The following CDH13 variants were observed in gnomAD, a reference collection of about 807,000 sequenced individuals.
The protein encoded by CDH13 is cadherin-13.
Under a neutral mutation model 63.8 loss-of-function variants are expected in CDH13, and 24 were observed. The ratio of observed to expected loss-of-function variants is 0.38; its 90% CI spans 0.27 to 0.53. The LOEUF (loss-of-function observed/expected upper bound fraction) is 0.53. Among genes scored for constraint, CDH13 ranks in the 20% least tolerant of loss-of-function variants. CDH13 has a pLI of 0.85. For synonymous variants in CDH13, 503 were observed against 355.3 expected, an observed-to-expected ratio of 1.42 and a Z score of -4.67; for missense variants, 1,049 against 903.1, an observed-to-expected ratio of 1.16 and a Z score of -2.07.
At chr16:83,791,404 G>C (rs1916255941) in intron 13 of CDH13, among the ~76,000 whole-genome samples, 1 of 152,084 alleles carries the variant, frequency 6.6e-6, no homozygotes, top group Non-Finnish European at 1.5e-5. Flanking sequence ...GCTGAGGCAG[G>C]AGAATCGAGT....
At chr16:83,492,328 A>T (rs1314656178) in intron 7 of CDH13, among the ~76,000 whole-genome samples, 1 of 152,214 alleles carries the variant, frequency 6.6e-6, no homozygotes, top group Admixed American at 6.5e-5. Flanking sequence ...TCTCATTATC[A>T]TCATGTTTAA....
intron 1 of CDH13, among the ~76,000 whole-genome samples, chr16:82,654,100 G>A (rs1006468850): frequency 2.6e-5 from 4 of 152,128 alleles, no homozygotes; most frequent in Admixed American, 2.6e-4. Flanking sequence ...ATTAGTCATT[G>A]CAAAAACATC....
intron 1 of CDH13, among the ~76,000 whole-genome samples, chr16:82,668,959 AG>A (rs549938319): frequency 3.8e-4 from 58 of 152,260 alleles, no homozygotes; most frequent in African/African-American, 1.4e-3. Flanking sequence ...CTGTTATTCT[AG>A]GGGGCTGCCC....
intron 10 of CDH13, among the ~76,000 whole-genome samples, chr16:83,714,475 G>A (rs912261896): frequency 7.9e-5 from 12 of 152,134 alleles, no homozygotes; most frequent in Non-Finnish European, 1.2e-4. Context: ...TGGTAAGCCT[G>A]GGGGAAACTG....
At chr16:83,168,197 A>G (rs2037767137) in intron 4 of CDH13, among the ~76,000 whole-genome samples, 2 of 152,074 alleles carry the variant, frequency 1.3e-5, no homozygotes, top group Admixed American at 1.3e-4. Flanking sequence ...CTAAAACGAA[A>G]GTTGAAATTA....
At chr16:83,133,722 C>T (rs2036155967) in intron 4 of CDH13, among the ~76,000 whole-genome samples, 1 of 152,214 alleles carries the variant, frequency 6.6e-6, no homozygotes, top group South Asian at 2.1e-4. Context: ...TGGTCTCAAA[C>T]TCCTGGCCTC....
At chr16:83,176,370 C>G (rs1050563217) in intron 4 of CDH13, among the ~76,000 whole-genome samples, 11 of 151,544 alleles carry the variant, frequency 7.3e-5, no homozygotes, top group African/African-American at 2.7e-4. Context: ...ATTAGCCTGG[C>G]GTGGTGGCAG....
At chr16:83,588,408 G>T (rs1906387086) in intron 7 of CDH13, among the ~76,000 whole-genome samples, 1 of 152,192 alleles carries the variant, frequency 6.6e-6, no homozygotes, top group South Asian at 2.1e-4. Context: ...TTTACTGAGA[G>T]TGACTGAGAG....
chr16:82,878,789 G>C (rs999741989), intron 2 of CDH13, among the ~76,000 whole-genome samples: 5 of 151,988 alleles, frequency 3.3e-5, no homozygotes, highest in African/African-American at 1.2e-4. Context: ...AGCACCAAGA[G>C]TCTGTCATCA....
intron 1 of CDH13, among the ~76,000 whole-genome samples, chr16:82,759,871 C>A (rs140038209): frequency 6.6e-6 from 1 of 152,060 alleles, no homozygotes; most frequent in Admixed American, 6.5e-5. Flanking sequence ...GCAGATTCAC[C>A]CTTTCCTTAT....
At chr16:83,444,589 T>G (rs2072610683) in intron 6 of CDH13, among the ~76,000 whole-genome samples, 1 of 152,174 alleles carries the variant, frequency 6.6e-6, no homozygotes, top group Non-Finnish European at 1.5e-5. Flanking sequence ...TCCTCTCTTG[T>G]GAAGAGCCAG....
chr16:83,600,916 G>C (rs1907725682), intron 7 of CDH13, among the ~76,000 whole-genome samples: 1 of 151,968 alleles, frequency 6.6e-6, no homozygotes, highest in Non-Finnish European at 1.5e-5. Context: ...TATTGCCTTT[G>C]TTCTTGGATG....
At chr16:83,627,969 C>T (rs1910465700) in intron 8 of CDH13, among the ~76,000 whole-genome samples, 2 of 152,152 alleles carry the variant, frequency 1.3e-5, no homozygotes, top group African/African-American at 4.8e-5. Flanking sequence ...TATAGGGTAA[C>T]TTCCTGACGT....
chr16:83,016,123 G>A lies in CDH13; in HGVS notation c.158-15887G>A, dbSNP rs539312675. 2.0e-5 allele frequency among the ~76,000 whole-genome samples: 3 copies of A among 152,222 alleles called. 1 individual carries two copies. The highest frequency in any genetic ancestry group is 7.2e-5 in the African/African-American group (3 of 41,548). On this transcript the variant is annotated intron_variant, in intron 2 of 13. Coordinates refer to ENST00000567109, the MANE Select transcript of CDH13 (RefSeq NM_001257.5). Reference sequence around the variant, plus strand: ...TAGAGATGATGCCATATGGCCTAAGGGATGTAATAAAAATCACTTGGCCAC... The same window carrying A: ...TAGAGATGATGCCATATGGCCTAAGAGATGTAATAAAAATCACTTGGCCAC...
At chr16:83,676,505 C>A (rs969721415) in intron 9 of CDH13, among the ~76,000 whole-genome samples, 1 of 152,152 alleles carries the variant, frequency 6.6e-6, no homozygotes, top group Non-Finnish European at 1.5e-5. Context: ...TTTACTTTAC[C>A]GAAGTTGCAC....
At chr16:83,590,377 C>G (rs17686717) in intron 7 of CDH13, among the ~76,000 whole-genome samples, 4,771 of 152,172 alleles carry the variant, frequency 0.031, 98 homozygotes, top group Admixed American at 0.062. Flanking sequence ...ACTGGATGAG[C>G]AGTTGTTTGA....
At chr16:83,446,057 G>C (rs2072678495) in intron 6 of CDH13, among the ~76,000 whole-genome samples, 1 of 152,226 alleles carries the variant, frequency 6.6e-6, no homozygotes, top group South Asian at 2.1e-4. Context: ...CCAGCACTTT[G>C]GGAGGCTGAG....
rs559742610 is a variant in CDH13 at position 83,498,631 on chromosome 16, TC to T, written c.960+11977del. ...TGCCCTGGTTACAGAGATAGAGACC[TC>T]AATGTCACTAAGATTTAAACCCCTA... On this transcript the variant is annotated intron_variant, in intron 7 of 13. Coordinates refer to ENST00000567109, the MANE Select transcript of CDH13 (RefSeq NM_001257.5). Among the ~76,000 whole-genome samples the T allele has an allele frequency of 8.7e-3, 1,331 of 152,308 alleles. 9 individuals are homozygous for T. The highest frequency in any genetic ancestry group is 0.015 in the Non-Finnish European group (1,023 of 68,030).
chr16:82,714,812 G>C (rs767710437), intron 1 of CDH13, among the ~76,000 whole-genome samples: 1 of 143,474 alleles, frequency 7.0e-6, no homozygotes, highest in Non-Finnish European at 1.5e-5. Context: ...CAATTCAAGG[G>C]ACACCAAAAC....
Sources: allele counts gnomAD v4.1 joint callset (sites outside exome capture counted in the v4.1 genomes callset), GRCh38; gene constraint gnomAD v4.1.1; transcripts MANE v1.5; gene names NCBI Gene and HGNC (gene_info 2026-07-23, HGNC 2026-07-21).